DMD: variants seen among roughly 807,000 people sequenced by gnomAD.
The protein encoded by DMD is mutant dystrophin.
A neutral mutation model predicts 330.1 loss-of-function variants in DMD; 63 were observed. That is an observed-to-expected ratio of 0.19 (90% CI 0.16 to 0.24). The LOEUF (loss-of-function observed/expected upper bound fraction) is 0.24. Among genes scored for constraint, DMD ranks in the 10% least tolerant of loss-of-function variants. The pLI is 1.00. For missense variants in DMD, 3,344 were observed against 2,684.1 expected, an observed-to-expected ratio of 1.25 and a Z score of -5.43; for synonymous variants, 1,223 against 959.8, an observed-to-expected ratio of 1.27 and a Z score of -5.07.
intron 41 of DMD, among the ~76,000 whole-genome samples, chrX:32,329,760 C>G (rs1426497538): frequency 8.9e-6 from 1 of 112,310 alleles, no homozygotes; most frequent in Admixed American, 9.4e-5. Context: ...TAAGAAAGCA[C>G]TAATTATTAT....
intron 44 of DMD, among the ~76,000 whole-genome samples, chrX:32,211,389 T>G (rs1445855844): frequency 8.9e-6 from 1 of 112,372 alleles, no homozygotes; most frequent in Admixed American, 9.5e-5. Flanking sequence ...AATAAATTTT[T>G]ACTTTCATAT....
At chrX:31,702,737 G>C (rs989619793) in intron 52 of DMD, among the ~76,000 whole-genome samples, 5 of 110,768 alleles carry the variant, frequency 4.5e-5, no homozygotes, top group African/African-American at 1.6e-4. Context: ...TCCAAGTATT[G>C]GCATTTTTTT....
At chrX:33,144,559 C>T (rs1332425178) in intron 1 of DMD, among the ~76,000 whole-genome samples, 1 of 111,448 alleles carries the variant, frequency 9.0e-6, no homozygotes, top group Non-Finnish European at 1.9e-5. Context: ...ATGTACAACT[C>T]TTACGTACCC....
intron 51 of DMD, among the ~76,000 whole-genome samples, chrX:31,769,542 GGAA>G (rs1347124824): frequency 2.7e-5 from 3 of 111,673 alleles, no homozygotes; most frequent in Non-Finnish European, 5.6e-5. Flanking sequence ...GGGCCACACT[GGAA>G]GAAGAATTGT....
intron 17 of DMD, 29 bp downstream of exon 17, chrX:32,545,130 T>A (rs749491828): frequency 3.4e-6 from 4 of 1,192,434 alleles, no homozygotes; most frequent in Admixed American, 2.2e-5. Context: ...TCCACTTCAT[T>A]TGCAGATAAA....
intron 1 of DMD, among the ~76,000 whole-genome samples, chrX:33,194,142 A>T (rs1278377590): frequency 9.0e-6 from 1 of 111,637 alleles, no homozygotes; most frequent in Non-Finnish European, 1.9e-5. Context: ...CTTTATTATC[A>T]TTATCATTCA....
chrX:32,844,085 C>T (rs1242246831), intron 4 of DMD, among the ~76,000 whole-genome samples: 1 of 111,564 alleles, frequency 9.0e-6, no homozygotes, highest in African/African-American at 3.3e-5. Context: ...TAGAAAAATC[C>T]GTTTGTTGCA....
At chrX:31,704,098 C>T (rs1200607079) in intron 52 of DMD, among the ~76,000 whole-genome samples, 2 of 111,917 alleles carry the variant, frequency 1.8e-5, no homozygotes, top group Non-Finnish European at 3.8e-5. Context: ...CAATAATCCC[C>T]ATTCAAGTAA....
chrX:33,008,935 TACAC>T (rs1377535491), intron 2 of DMD, among the ~76,000 whole-genome samples: 1 of 95,965 alleles, frequency 1.0e-5, no homozygotes, highest in Admixed American at 1.1e-4. Context: ...CATGTATATA[TACAC>T]ACGTATATAT....
intron 6 of DMD, 132 bp from the exon 7 acceptor site, chrX:32,809,743 T>G (rs2077206638): frequency 2.0e-6 from 1 of 510,010 alleles, no homozygotes; most frequent in African/African-American, 2.4e-5. Flanking sequence ...TGAGTGTAAT[T>G]CATTTACCCT....
At chrX:33,089,522 C>T (rs904466386) in intron 1 of DMD, among the ~76,000 whole-genome samples, 8 of 108,618 alleles carry the variant, frequency 7.4e-5, no homozygotes, top group African/African-American at 2.7e-4. Context: ...AGTGAGACAC[C>T]ATCTCAAAAA....
rs1211919554 is a variant in DMD, at chrX:32,426,370, G to GA, written c.4071+11870dup. 4.5e-5 allele frequency among the ~76,000 whole-genome samples: 5 copies of GA among 111,313 alleles called. No individual in the cohort carries two copies. The South Asian group carries it at 1.5e-3, about 33-fold the overall frequency. On this transcript the variant is annotated intron_variant, in intron 29 of 78. Transcript: ENST00000357033. ...ACGACACACATGTGGCCAACAATAT[G>GA]AAAAAAAATGCTCAATATCACCAAC...
chrX:32,632,922 T>A (rs1468402893), intron 11 of DMD, among the ~76,000 whole-genome samples: 1 of 112,537 alleles, frequency 8.9e-6, no homozygotes, highest in Non-Finnish European at 1.9e-5. Flanking sequence ...GCACTTGCCT[T>A]CTTTGTAGGT....
chrX:33,326,817 G>A (rs763231332), intron 1 of DMD, among the ~76,000 whole-genome samples: 6 of 111,020 alleles, frequency 5.4e-5, no homozygotes, highest in Non-Finnish European at 7.6e-5. Context: ...CAGTGTATTC[G>A]AAGTCAGATA....
rs1159849964 is a variant in DMD at position 32,631,272 on chromosome X, G to A, written c.1331+12860C>T. Among the ~76,000 whole-genome samples the A allele has an allele frequency of 2.7e-5, 3 of 111,574 alleles. No individual in the cohort carries two copies. The East Asian group carries it at 8.5e-4, about 32-fold the overall frequency. On this transcript the variant is annotated intron_variant, in intron 11 of 78. Coordinates refer to ENST00000357033, the MANE Select transcript of DMD (RefSeq NM_004006.3). ...GCTACCACGACTAGGATTGTGTTGG[G>A]TCACTCCTAAAGCCAGTACAACACT...
chrX:32,704,595 C>CA (rs1337805341), intron 7 of DMD, among the ~76,000 whole-genome samples: 1 of 112,299 alleles, frequency 8.9e-6, no homozygotes, highest in Non-Finnish European at 1.9e-5. Flanking sequence ...AATGTGCACT[C>CA]ACAAAGCTTT....
At chrX:31,676,179 T>G (rs1190968112) in intron 53 of DMD, among the ~76,000 whole-genome samples, 1 of 112,196 alleles carries the variant, frequency 8.9e-6, no homozygotes, top group Non-Finnish European at 1.9e-5. Context: ...TTGTTAATCT[T>G]AGGCACACAG....
intron 64 of DMD, among the ~76,000 whole-genome samples, chrX:31,222,683 T>C (rs5972341): frequency 0.51 from 55,763 of 109,839 alleles, 12,766 homozygotes; most frequent in African/African-American, 0.9. Flanking sequence ...CAGATAGTCA[T>C]AGTCTTCTAA....
chrX:31,397,958 A>G (rs1025410538), intron 60 of DMD, among the ~76,000 whole-genome samples: 1 of 112,719 alleles, frequency 8.9e-6, no homozygotes, highest in African/African-American at 3.2e-5. Context: ...GTAAACACAT[A>G]AAAAAGAACA....
Sources: allele counts gnomAD v4.1 joint callset (sites outside exome capture counted in the v4.1 genomes callset), GRCh38; gene constraint gnomAD v4.1.1; transcripts MANE v1.5; gene names NCBI Gene and HGNC (gene_info 2026-07-23, HGNC 2026-07-21).